CNTNAP2: variants seen among roughly 807,000 people sequenced by gnomAD.
The protein encoded by CNTNAP2 is contactin associated protein 2, also known as contactin-associated protein-like 2.
CNTNAP2 carries 98 observed loss-of-function variants against 155.2 expected under a neutral mutation model. That is an observed-to-expected ratio of 0.63 (90% CI 0.54 to 0.75). The LOEUF (loss-of-function observed/expected upper bound fraction) is 0.75. Ranked by LOEUF, CNTNAP2 falls within the 30% of genes least tolerant of loss-of-function variation. The pLI is 0.00. For missense variants in CNTNAP2, 1,727 were observed against 1,688.1 expected, an observed-to-expected ratio of 1.02 and a Z score of -0.40; for synonymous variants, 651 against 631.2, an observed-to-expected ratio of 1.03 and a Z score of -0.47.
chr7:148,198,667 A>G (rs1021868847), intron 18 of CNTNAP2, among the ~76,000 whole-genome samples: 4 of 152,206 alleles, frequency 2.6e-5, no homozygotes, highest in Non-Finnish European at 5.9e-5. Flanking sequence ...CCCTTTCAGA[A>G]GTGGTCGCCC....
chr7:147,757,130 T>C (rs923935350), intron 13 of CNTNAP2, among the ~76,000 whole-genome samples: 2 of 152,184 alleles, frequency 1.3e-5, no homozygotes, highest in African/African-American at 4.8e-5. Flanking sequence ...TAAGGGTACC[T>C]TCCTCTTGCC....
intron 21 of CNTNAP2, among the ~76,000 whole-genome samples, chr7:148,367,091 C>T (rs1393168290): frequency 3.9e-5 from 6 of 151,982 alleles, no homozygotes; most frequent in East Asian, 1.9e-4. Flanking sequence ...ATTAGCTGGG[C>T]GCGGTGGTGC....
chr7:147,364,747 G>C (rs753951346), intron 9 of CNTNAP2, among the ~76,000 whole-genome samples: 1 of 152,056 alleles, frequency 6.6e-6, no homozygotes, highest in African/African-American at 2.4e-5. Flanking sequence ...TACTCGGGAG[G>C]CTGAGGCAGG....
At chr7:146,283,370 G>C (rs568125683) in intron 1 of CNTNAP2, among the ~76,000 whole-genome samples, 1 of 151,914 alleles carries the variant, frequency 6.6e-6, no homozygotes, top group African/African-American at 2.4e-5. Flanking sequence ...TCTGTTTTTC[G>C]TTTTGTTTTG....
At chr7:146,922,121 C>T (rs1465073482) in intron 3 of CNTNAP2, among the ~76,000 whole-genome samples, 1 of 152,036 alleles carries the variant, frequency 6.6e-6, no homozygotes, top group African/African-American at 2.4e-5. Flanking sequence ...CATGCACAAT[C>T]ATTTTAAAAT....
intron 15 of CNTNAP2, among the ~76,000 whole-genome samples, chr7:147,997,446 G>A (rs1306986268): frequency 2.0e-5 from 3 of 151,822 alleles, no homozygotes; most frequent in Admixed American, 6.6e-5. Flanking sequence ...AATCCCAGCT[G>A]CTTGGGAGGC....
At chr7:146,169,486 C>T (rs1364043591) in intron 1 of CNTNAP2, among the ~76,000 whole-genome samples, 1 of 152,086 alleles carries the variant, frequency 6.6e-6, no homozygotes, top group Non-Finnish European at 1.5e-5. Context: ...CACGTAGTTA[C>T]CTTATTTTTT....
At chr7:148,074,471 A>T (rs938609562) in intron 15 of CNTNAP2, among the ~76,000 whole-genome samples, 1 of 151,678 alleles carries the variant, frequency 6.6e-6, no homozygotes, top group Non-Finnish European at 1.5e-5. Context: ...CGGGTTGATC[A>T]CTTGAGGTCA....
intron 1 of CNTNAP2, among the ~76,000 whole-genome samples, chr7:146,136,521 G>T (rs924101056): frequency 4.6e-5 from 7 of 152,136 alleles, no homozygotes; most frequent in Admixed American, 1.3e-4. Context: ...CTAAGTATAG[G>T]CATTTCAACG....
intron 15 of CNTNAP2, among the ~76,000 whole-genome samples, chr7:148,083,095 T>C (rs1453213984): frequency 6.6e-6 from 1 of 152,162 alleles, no homozygotes; most frequent in African/African-American, 2.4e-5. Flanking sequence ...CACTGGTGTA[T>C]ACTGTCCACT....
chr7:146,353,005 C>T (rs970858362), intron 1 of CNTNAP2, among the ~76,000 whole-genome samples: 4 of 152,002 alleles, frequency 2.6e-5, no homozygotes, highest in African/African-American at 4.8e-5. Flanking sequence ...CTGCCCACCT[C>T]GGCCTCCCCA....
At position 146,298,402 on chromosome 7, in the gene CNTNAP2, C is replaced by T. The variant is rs955023691; in HGVS notation, c.97+181429C>T. Among the ~76,000 whole-genome samples, 17 of 152,290 alleles carry T rather than the reference C, an allele frequency of 1.1e-4. No individual in the cohort carries two copies. In the East Asian group the frequency reaches 1.2e-3, roughly 10 times the overall value. On this transcript the variant is annotated intron_variant, in intron 1 of 23. Transcript: ENST00000361727. The stretch of plus-strand genomic sequence containing the variant: ...AAACAGAAGATATTACTAGTAAATA[C>T]ATCACCCCCACAGCTTTAATAACTG...
At chr7:148,277,207 G>C (rs1030463537) in intron 21 of CNTNAP2, among the ~76,000 whole-genome samples, 1 of 152,132 alleles carries the variant, frequency 6.6e-6, no homozygotes, top group Non-Finnish European at 1.5e-5. Flanking sequence ...AGTTTGCATG[G>C]CCAGGCATCT....
intron 4 of CNTNAP2, among the ~76,000 whole-genome samples, chr7:147,074,702 A>G (rs75438058): frequency 0.06 from 9,162 of 152,224 alleles, 718 homozygotes; most frequent in African/African-American, 0.18. Context: ...ATGAAAATCA[A>G]TCATTTAAAT....
At chr7:147,532,282 A>G (rs930327643) in intron 11 of CNTNAP2, among the ~76,000 whole-genome samples, 1 of 152,188 alleles carries the variant, frequency 6.6e-6, no homozygotes. Flanking sequence ...TCAAAGTTCC[A>G]CACATCTCTA....
chr7:147,346,955 T>G (rs1795873704), intron 9 of CNTNAP2, among the ~76,000 whole-genome samples: 1 of 152,162 alleles, frequency 6.6e-6, no homozygotes. Context: ...CTAAAAATCA[T>G]GCATTCATTC....
intron 11 of CNTNAP2, among the ~76,000 whole-genome samples, chr7:147,493,549 T>C (rs920933074): frequency 2.6e-5 from 4 of 152,198 alleles, no homozygotes; most frequent in African/African-American, 7.2e-5. Context: ...ATGGAATAGA[T>C]ACTGGAGTGT....
At chr7:146,997,670 C>T (rs561781784) in intron 3 of CNTNAP2, among the ~76,000 whole-genome samples, 8 of 152,110 alleles carry the variant, frequency 5.3e-5, no homozygotes, top group Admixed American at 5.2e-4. Flanking sequence ...GCAGTGAAGC[C>T]ATGAGGTCCT....
At chr7:147,275,984 C>T (rs1013967603) in intron 8 of CNTNAP2, among the ~76,000 whole-genome samples, 1 of 151,770 alleles carries the variant, frequency 6.6e-6, no homozygotes, top group Non-Finnish European at 1.5e-5. Flanking sequence ...TAGGTTGAAC[C>T]ATCCTTTGAT....
Sources: gnomAD v4.1 joint callset for allele counts (sites outside exome capture counted in the v4.1 genomes callset) on GRCh38, gnomAD v4.1.1 for gene constraint, MANE v1.5 for transcripts, NCBI Gene and HGNC (gene_info 2026-07-23, HGNC 2026-07-21) for gene names.